Variants in GSG1L observed in about 807,000 individuals in gnomAD.
GSG1L encodes the protein GSG1 like, also known as germ cell-specific gene 1-like protein.
GSG1L carries 24 observed loss-of-function variants against 42.1 expected under a neutral mutation model. The observed-to-expected ratio is 0.57, with a 90% CI of 0.41 to 0.80. The LOEUF (loss-of-function observed/expected upper bound fraction) is 0.80. Ranked by LOEUF, GSG1L falls within the 30% of genes least tolerant of loss-of-function variation. The pLI, the probability that GSG1L is intolerant of heterozygous loss-of-function variation, is 0.00. For missense variants in GSG1L, 445 were observed against 472.2 expected, an observed-to-expected ratio of 0.94 and a Z score of 0.53; for synonymous variants, 215 against 203.5, an observed-to-expected ratio of 1.06 and a Z score of -0.48.
intron 2 of GSG1L, among the ~76,000 whole-genome samples, chr16:27,961,371 T>C (rs977594101): frequency 2.0e-5 from 3 of 151,380 alleles, no homozygotes; most frequent in Non-Finnish European, 4.4e-5. Context: ...TTGGGAATTA[T>C]GGGATGCACA....
intron 1 of GSG1L, among the ~76,000 whole-genome samples, chr16:27,969,909 G>C (rs2085174988): frequency 6.6e-6 from 1 of 152,196 alleles, no homozygotes; most frequent in African/African-American, 2.4e-5. Flanking sequence ...CCTTGCCAGT[G>C]CCATGCGGTA....
Position 27,794,777 on chromosome 16 carries a change from A to T in GSG1L, c.899-3310T>A, listed in dbSNP as rs538288036. On this transcript the variant is annotated intron_variant, in intron 6 of 6. Transcript: ENST00000447459. Reference sequence around the variant, plus strand: ...GCTGCACTCAGCCCACGAGAGGCAGATCCCAGCCTGTGTCTTCGTTCCATG... The same window carrying T: ...GCTGCACTCAGCCCACGAGAGGCAGTTCCCAGCCTGTGTCTTCGTTCCATG... Among the ~76,000 whole-genome samples, 4 of 152,272 alleles carry T rather than the reference A, an allele frequency of 2.6e-5. No individual in the cohort carries two copies. In the South Asian group the frequency reaches 8.3e-4, roughly 32 times the overall value.
intron 2 of GSG1L, among the ~76,000 whole-genome samples, chr16:27,903,741 G>A (rs963766230): frequency 6.6e-6 from 1 of 152,274 alleles, no homozygotes; most frequent in African/African-American, 2.4e-5. Context: ...GGCGGACAGA[G>A]TGCAGTATCC....
chr16:27,843,179 C>G (rs1352643385), intron 4 of GSG1L, among the ~76,000 whole-genome samples: 1 of 152,144 alleles, frequency 6.6e-6, no homozygotes, highest in Non-Finnish European at 1.5e-5. Flanking sequence ...AACTACCAGC[C>G]CCAGACCTGG....
At chr16:27,923,822 C>A (rs1361885218) in intron 2 of GSG1L, among the ~76,000 whole-genome samples, 1 of 150,866 alleles carries the variant, frequency 6.6e-6, no homozygotes, top group African/African-American at 2.4e-5. Context: ...GCCAGAAAAA[C>A]CAATTACAAA....
chr16:27,854,795 G>A (rs2083555819), intron 3 of GSG1L, among the ~76,000 whole-genome samples: 1 of 152,158 alleles, frequency 6.6e-6, no homozygotes, highest in Non-Finnish European at 1.5e-5. Flanking sequence ...CCCAAGATGA[G>A]CGTGGGCCTC....
Position 28,059,133 on chromosome 16 carries a change from C to A in GSG1L, c.349+3943G>T, listed in dbSNP as rs377725271. Among the ~76,000 whole-genome samples the A allele has an allele frequency of 5.3e-5, 8 of 152,300 alleles. No homozygotes were observed. In the East Asian group the frequency reaches 1.2e-3, roughly 22 times the overall value. ...CGTCACCAAATCCTTGCATCTCCGG[C>A]GGGTGCTAGCTGCTCTGATCCCCAC... On this transcript the variant is annotated intron_variant, in intron 1 of 6. Coordinates refer to ENST00000447459, the MANE Select transcript of GSG1L (RefSeq NM_001109763.2). The surrounding 1 kb of genome is among the most constrained non-coding windows in gnomAD (Gnocchi z 4.4).
chr16:27,829,547 T>C (rs1313304303), intron 4 of GSG1L, among the ~76,000 whole-genome samples: 1 of 152,320 alleles, frequency 6.6e-6, no homozygotes, highest in Admixed American at 6.5e-5. Context: ...TTCACATTCC[T>C]CATGACTATT....
chr16:28,006,284 C>A (rs2085637360), intron 1 of GSG1L, among the ~76,000 whole-genome samples: 1 of 126,802 alleles, frequency 7.9e-6, no homozygotes. Context: ...CCTGCCAACA[C>A]CTTGATTGTA....
At chr16:27,920,451 G>T (rs1454627327) in intron 2 of GSG1L, among the ~76,000 whole-genome samples, 1 of 152,236 alleles carries the variant, frequency 6.6e-6, no homozygotes, top group African/African-American at 2.4e-5. Flanking sequence ...GCCACCTCCA[G>T]GGAAACTGCA....
At chr16:28,000,495 T>A (rs1290406353) in intron 1 of GSG1L, among the ~76,000 whole-genome samples, 1 of 152,146 alleles carries the variant, frequency 6.6e-6, no homozygotes, top group Non-Finnish European at 1.5e-5. Flanking sequence ...TACTATCTAT[T>A]TGCTTAGTCC....
At chr16:27,930,170 A>G (rs1269832626) in intron 2 of GSG1L, among the ~76,000 whole-genome samples, 2 of 151,766 alleles carry the variant, frequency 1.3e-5, no homozygotes, top group East Asian at 3.9e-4. Flanking sequence ...CGATTGACTT[A>G]GGGCAGATTC....
rs903897752 is a variant in GSG1L, at chr16:27,916,164, C to T, written c.398-31526G>A. ...CCTGTGGCTGAAGGTGGAACCAACT[C>T]TGCAGTATAATTCACACTCCAGAGC... On this transcript the variant is annotated intron_variant, in intron 2 of 6. Transcript: ENST00000447459. Among the ~76,000 whole-genome samples, 10 of 152,302 alleles carry T rather than the reference C, an allele frequency of 6.6e-5. No homozygotes were observed. In the East Asian group the frequency reaches 1.7e-3, roughly 26 times the overall value.
At chr16:27,795,720 C>T (rs907894881) in intron 6 of GSG1L, among the ~76,000 whole-genome samples, 1 of 152,158 alleles carries the variant, frequency 6.6e-6, no homozygotes, top group African/African-American at 2.4e-5. Context: ...TGGGAACCTC[C>T]CAAGGTTAGC....
chr16:27,882,398 C>T (rs1379588495), intron 3 of GSG1L, among the ~76,000 whole-genome samples: 2 of 151,942 alleles, frequency 1.3e-5, no homozygotes, highest in Non-Finnish European at 2.9e-5. Flanking sequence ...ACCGTGTTGC[C>T]CCTTGCTCCA....
In GSG1L at chr16:27,887,819, C is replaced by T. The variant is rs191256427; in HGVS notation, c.398-3181G>A. Among the ~76,000 whole-genome samples, 375 of 151,854 alleles carry T rather than the reference C, an allele frequency of 2.5e-3. 4 individuals are homozygous for T. Among genetic ancestry groups the T allele is most frequent in the Non-Finnish European group, 1.6e-3 (107 of 67,956 alleles). ...TTTTCTTTTCTTTTTTTTTCTCCTC[C>T]CTACCAAAATATCACATCTCCTGGG... is the stretch of plus-strand genomic sequence containing the variant. On this transcript the variant is annotated intron_variant, in intron 2 of 6. Coordinates refer to ENST00000447459, the MANE Select transcript of GSG1L (RefSeq NM_001109763.2).
intron 1 of GSG1L, among the ~76,000 whole-genome samples, chr16:27,996,973 G>A (rs535640922): frequency 9.9e-5 from 15 of 152,258 alleles, no homozygotes; most frequent in African/African-American, 3.6e-4. Context: ...TGTTGGCCAG[G>A]CTGGTCTCGA....
At chr16:27,801,159 G>A (rs1191720561) in intron 6 of GSG1L, among the ~76,000 whole-genome samples, 3 of 152,190 alleles carry the variant, frequency 2.0e-5, no homozygotes, top group Admixed American at 6.5e-5. Flanking sequence ...AGGAAGGTCA[G>A]GTTGGCTGGG....
intron 1 of GSG1L, among the ~76,000 whole-genome samples, chr16:27,986,628 G>T (rs770004786): frequency 6.6e-6 from 1 of 152,288 alleles, no homozygotes; most frequent in Admixed American, 6.5e-5. Flanking sequence ...TTACTGGTGC[G>T]GGGTTACCCA....
Sources: allele counts gnomAD v4.1 joint callset (sites outside exome capture counted in the v4.1 genomes callset), GRCh38; gene constraint gnomAD v4.1.1; non-coding constraint Gnocchi (gnomAD v3.1); transcripts MANE v1.5; gene names NCBI Gene and HGNC (gene_info 2026-07-23, HGNC 2026-07-21).